M1AP: variants seen among roughly 807,000 people sequenced by gnomAD.
M1AP encodes the protein meiosis 1 arrest protein.
In M1AP, 39 loss-of-function variants were observed where a neutral mutation model predicts 51.2. That is an observed-to-expected ratio of 0.76 (90% CI 0.59 to 1.00). The LOEUF is 1.00. M1AP is among the 50% of genes least tolerant of loss of function. The pLI is 0.00. For missense variants in M1AP, 545 were observed against 641.2 expected, an observed-to-expected ratio of 0.85 and a Z score of 1.62; for synonymous variants, 251 against 249.2, an observed-to-expected ratio of 1.01 and a Z score of -0.07.
intron 4 of M1AP, among the ~76,000 whole-genome samples, chr2:74,601,471 G>A (rs975381875): frequency 6.6e-6 from 1 of 152,114 alleles, no homozygotes; most frequent in Non-Finnish European, 1.5e-5. Flanking sequence ...GTTGATGGTA[G>A]TTATCTCTGG....
chr2:74,564,455 TG>T (rs1678244986), intron 7 of M1AP, among the ~76,000 whole-genome samples: 1 of 152,170 alleles, frequency 6.6e-6, no homozygotes, highest in Non-Finnish European at 1.5e-5. Flanking sequence ...TAGAAGGTTT[TG>T]GGGGTGGGAC....
intron 4 of M1AP, among the ~76,000 whole-genome samples, chr2:74,583,440 T>C (rs997237036): frequency 1.3e-5 from 2 of 152,142 alleles, no homozygotes; most frequent in Non-Finnish European, 2.9e-5. Flanking sequence ...GAGGCTTTGC[T>C]GGTGTACTTC....
At chr2:74,637,683 T>C (rs1023712683) in intron 2 of M1AP, among the ~76,000 whole-genome samples, 1 of 152,200 alleles carries the variant, frequency 6.6e-6, no homozygotes, top group African/African-American at 2.4e-5. Flanking sequence ...GGCAAGATCT[T>C]TGTGAGTCCT....
Position 74,576,823 on chromosome 2 carries a change from T to C in M1AP, c.770-205A>G, listed in dbSNP as rs558021991. On this transcript the variant is annotated intron_variant, in intron 5 of 10. Coordinates refer to ENST00000421985, the MANE Select transcript of M1AP (RefSeq NM_001321739.2). ...AAAGGGAGAACAGGTCTGGAAGCTA[T>C]AGTATCTCTATCGCTCTACATAAAA... 8.5e-5 allele frequency: 112 copies of C among 1,310,616 alleles called. No individual in the cohort carries two copies. In the African/African-American group the frequency reaches 1.0e-3, roughly 12 times the overall value. 81.2% of individuals were successfully genotyped at this position (1,310,616 alleles called of 1,614,324 possible).
At chr2:74,574,412 C>T (rs1678931849) in intron 7 of M1AP, among the ~76,000 whole-genome samples, 1 of 152,170 alleles carries the variant, frequency 6.6e-6, no homozygotes, top group East Asian at 1.9e-4. Context: ...TACACTTGGT[C>T]ATAGCTAAAA....
In M1AP at chr2:74,576,518, G is replaced by A. The variant is rs2104569062; in HGVS notation, c.870C>T (p.Phe290=). The change falls in exon 6 of 11, where the codon TTC becomes TTT. Residue 290 remains phenylalanine, a synonymous_variant. Coordinates refer to ENST00000421985, the MANE Select transcript of M1AP (RefSeq NM_001321739.2). ...SLRMDDPKGD[F]ITLYQMASQS... ...GGGAAGCCATCTGGTAGAGTGTGAT[G>A]AAGTCTCCTTTAGGGTCATCCATTC... is the stretch of plus-strand genomic sequence containing the variant. 1 of 1,614,106 alleles carries A rather than the reference G, an allele frequency of 6.2e-7. No homozygotes were observed. The highest frequency in any genetic ancestry group is 8.5e-7 in the Non-Finnish European group (1 of 1,179,996).
chr2:74,640,005 G>T, intron 2 of M1AP, 31 bp downstream of exon 2: 1 of 1,583,986 alleles, frequency 6.3e-7, no homozygotes, highest in South Asian at 1.1e-5. Context: ...TTTGCTTTCA[G>T]GGTAAAATGA....
intron 2 of M1AP, chr2:74,628,841 G>T: frequency 2.3e-6 from 1 of 444,016 alleles, no homozygotes; most frequent in South Asian, 1.9e-5. Flanking sequence ...CGATACCACT[G>T]AATATCTGAT....
chr2:74,622,536 T>C (rs1223306569), intron 2 of M1AP, among the ~76,000 whole-genome samples: 5 of 147,226 alleles, frequency 3.4e-5, no homozygotes, highest in East Asian at 4.2e-4. Context: ...CGCCCGGCCA[T>C]TGCCTGCTTT....
intron 2 of M1AP, chr2:74,619,238 CT>C: frequency 5.4e-6 from 1 of 185,080 alleles, no homozygotes; most frequent in Non-Finnish European, 1.2e-5. Flanking sequence ...ATGAAGATGG[CT>C]TTTTGGTAAA....
chr2:74,622,543 CTTTTTTTTT>C (rs534273779), intron 2 of M1AP, among the ~76,000 whole-genome samples: 1 of 117,314 alleles, frequency 8.5e-6, no homozygotes, highest in Non-Finnish European at 1.8e-5. Context: ...CCATTGCCTG[CTTTTTTTTT>C]TTTTTTTTTT....
intron 4 of M1AP, among the ~76,000 whole-genome samples, chr2:74,585,658 T>C (rs1679665476): frequency 6.6e-6 from 1 of 152,240 alleles, no homozygotes; most frequent in Non-Finnish European, 1.5e-5. Flanking sequence ...AGAGGTGCTG[T>C]GTGTCGGGTT....
chr2:74,561,386 C>T (rs1678001070), intron 8 of M1AP, among the ~76,000 whole-genome samples: 3 of 152,184 alleles, frequency 2.0e-5, no homozygotes, highest in African/African-American at 7.2e-5. Flanking sequence ...CTTTTCTCAA[C>T]AAACATAAAT....
chr2:74,561,091 A>AGG (rs1677909260), intron 8 of M1AP, among the ~76,000 whole-genome samples: 9 of 47,866 alleles, frequency 1.9e-4, no homozygotes, highest in East Asian at 6.5e-4. Flanking sequence ...GGAGGAGGAG[A>AGG]AGGAGAAGGA....
chr2:74,561,091 A>AGGAGGAGGAGGAGGAGGAGGAGGAGGAGG (rs1677909260), intron 8 of M1AP, among the ~76,000 whole-genome samples: 2 of 47,870 alleles, frequency 4.2e-5, no homozygotes, highest in African/African-American at 8.5e-5. Flanking sequence ...GGAGGAGGAG[A>AGGAGGAGGAGGAGGAGGAGGAGGAGGAGG]AGGAGAAGGA....
chr2:74,637,532 T>A (rs534878492), intron 2 of M1AP, among the ~76,000 whole-genome samples: 1 of 152,344 alleles, frequency 6.6e-6, no homozygotes, highest in Non-Finnish European at 1.5e-5. Context: ...CTACATAGTT[T>A]TGTATTTCTA....
intron 4 of M1AP, among the ~76,000 whole-genome samples, chr2:74,601,469 T>C (rs1164685930): frequency 1.3e-5 from 2 of 152,132 alleles, no homozygotes; most frequent in Non-Finnish European, 2.9e-5. Context: ...ATGTTGATGG[T>C]AGTTATCTCT....
intron 2 of M1AP, among the ~76,000 whole-genome samples, chr2:74,630,655 C>T (rs1434261215): frequency 6.6e-6 from 1 of 152,176 alleles, no homozygotes; most frequent in Admixed American, 6.5e-5. Context: ...CTGCAAAGGA[C>T]ATGATCTCAT....
intron 2 of M1AP, chr2:74,619,111 C>A: frequency 3.3e-6 from 1 of 303,348 alleles, no homozygotes; most frequent in Non-Finnish European, 6.7e-6. Context: ...TTATTGAAGA[C>A]TATCAGACGG....
Sources: allele counts gnomAD v4.1 joint callset (sites outside exome capture counted in the v4.1 genomes callset), GRCh38; gene constraint gnomAD v4.1.1; transcripts MANE v1.5; gene names NCBI Gene and HGNC (gene_info 2026-07-23, HGNC 2026-07-21).